ZNF654: variants seen among roughly 807,000 people sequenced by gnomAD.
The protein encoded by ZNF654 is zinc finger protein 654.
In ZNF654, 19 loss-of-function variants were observed where a neutral mutation model predicts 95.3. The observed-to-expected ratio is 0.20, with a 90% CI of 0.14 to 0.29. The LOEUF is 0.29. Ranked by LOEUF, ZNF654 falls within the 10% of genes least tolerant of loss-of-function variation. The pLI is 1.00. For missense variants in ZNF654, 1,046 were observed against 1,341.0 expected, an observed-to-expected ratio of 0.78 and a Z score of 3.44; for synonymous variants, 413 against 457.9, an observed-to-expected ratio of 0.90 and a Z score of 1.25.
chr3:88,062,452 A>T (rs1706937932), intron 1 of ZNF654, among the ~76,000 whole-genome samples: 1 of 152,222 alleles, frequency 6.6e-6, no homozygotes, highest in Non-Finnish European at 1.5e-5. Context: ...ATTATGGATG[A>T]AAAGTTTAGA....
At chr3:88,138,605 A>T in intron 7 of ZNF654, 100 bp from the exon 8 acceptor site, 1 of 638,496 alleles carries the variant, frequency 1.6e-6, no homozygotes, top group Non-Finnish European at 2.2e-6. Context: ...TACTATGTTT[A>T]TTCAGCTTTC....
Position 88,138,873 on chromosome 3 carries a change from G to A in ZNF654, c.1204G>A (p.Glu402Lys). ...TTGTGCACTCTCAATATTTTTTCTG[G>A]AGCGCTCCTTAGAAGCGTATCGTAC... ...RICALSIFFL[E>K]RSLEAYRTVE... Residue 402 changes from glutamate (E) to lysine (K), a missense_variant, in exon 8 of 9, where the codon GAG becomes AAG. Glu to Lys is a moderately conservative substitution (Grantham distance 56, BLOSUM62 1). Coordinates refer to ENST00000636215, the MANE Select transcript of ZNF654 (RefSeq NM_001350134.2). 8.1e-7 allele frequency: 1 copy of A among 1,231,980 alleles called. No homozygotes were observed. The highest frequency in any genetic ancestry group is 1.0e-6 in the Non-Finnish European group (1 of 987,926). 76.3% of individuals were successfully genotyped at this position (1,231,980 alleles called of 1,614,324 possible).
rs73844852 is a variant in ZNF654 at position 88,074,799 on chromosome 3, T to C, written c.187-11458T>C. On this transcript the variant is annotated intron_variant, in intron 1 of 8. Transcript: ENST00000636215. ...TACTTTTGCCAGTAAAAATTAGTGATATCAGAAGGACGATGGATGCACAGA... is the reference window on the plus strand; with the variant it reads ...TACTTTTGCCAGTAAAAATTAGTGACATCAGAAGGACGATGGATGCACAGA... Among the ~76,000 whole-genome samples, 441 of 152,338 alleles carry C rather than the reference T, an allele frequency of 2.9e-3. 2 individuals are homozygous for C. Among genetic ancestry groups the C allele is most frequent in the African/African-American group, 0.01 (424 of 41,578 alleles).
chr3:88,123,295 T>C (rs1245250501), intron 3 of ZNF654, among the ~76,000 whole-genome samples: 1 of 152,172 alleles, frequency 6.6e-6, no homozygotes, highest in Non-Finnish European at 1.5e-5. Context: ...ATAAGAGTGG[T>C]CTCCAAAATA....
chr3:88,129,054 A>G, intron 5 of ZNF654, 43 bp downstream of exon 5: 1 of 1,378,808 alleles, frequency 7.3e-7, no homozygotes, highest in Non-Finnish European at 9.6e-7. Flanking sequence ...TTTTAACCCT[A>G]CCAAAAAAAA....
chr3:88,107,115 C>G (rs1704791111), intron 2 of ZNF654, among the ~76,000 whole-genome samples: 1 of 152,142 alleles, frequency 6.6e-6, no homozygotes, highest in Non-Finnish European at 1.5e-5. Context: ...CTTGAAGATA[C>G]TTTTACTGTA....
chr3:88,116,618 G>A (rs1422817394), intron 3 of ZNF654, among the ~76,000 whole-genome samples: 1 of 151,564 alleles, frequency 6.6e-6, no homozygotes, highest in Non-Finnish European at 1.5e-5. Context: ...TATGTTGTGT[G>A]TGTGTGTGTA....
chr3:88,125,262 A>G (rs1706030818), intron 3 of ZNF654, among the ~76,000 whole-genome samples: 1 of 151,960 alleles, frequency 6.6e-6, no homozygotes, highest in Non-Finnish European at 1.5e-5. Context: ...CTAATAAAGT[A>G]TGTAATGAGC....
At chr3:88,066,971 T>C (rs1383244626) in intron 1 of ZNF654, among the ~76,000 whole-genome samples, 1 of 152,116 alleles carries the variant, frequency 6.6e-6, no homozygotes, top group East Asian at 1.9e-4. Flanking sequence ...AAACTAAATT[T>C]GGGAGGAGGT....
At chr3:88,125,197 A>G (rs1171059805) in intron 3 of ZNF654, among the ~76,000 whole-genome samples, 2 of 151,776 alleles carry the variant, frequency 1.3e-5, no homozygotes, top group Non-Finnish European at 2.9e-5. Flanking sequence ...CCTGGGCATC[A>G]AAGTTAAGAC....
chr3:88,088,842 G>A (rs1351005472), intron 2 of ZNF654, among the ~76,000 whole-genome samples: 7 of 151,894 alleles, frequency 4.6e-5, no homozygotes, highest in East Asian at 1.9e-4. Flanking sequence ...GCATGATCTC[G>A]GCTCACTGCA....
intron 1 of ZNF654, among the ~76,000 whole-genome samples, chr3:88,077,374 C>T (rs1281547694): frequency 3.4e-5 from 5 of 148,166 alleles, no homozygotes; most frequent in African/African-American, 1.3e-4. Context: ...CGCTCTGTTG[C>T]CCAGGCTGGA....
intron 3 of ZNF654, among the ~76,000 whole-genome samples, chr3:88,123,022 A>G (rs1705869124): frequency 6.6e-6 from 1 of 151,696 alleles, no homozygotes; most frequent in Non-Finnish European, 1.5e-5. Flanking sequence ...AAAAAAAAAA[A>G]AAAAGTAAAA....
intron 2 of ZNF654, among the ~76,000 whole-genome samples, chr3:88,096,584 C>T (rs1194871024): frequency 6.6e-6 from 1 of 152,096 alleles, no homozygotes; most frequent in Non-Finnish European, 1.5e-5. Flanking sequence ...TCTTCCCATA[C>T]TTTAAAGAAG....
intron 1 of ZNF654, among the ~76,000 whole-genome samples, chr3:88,080,391 A>G (rs1708017867): frequency 6.6e-6 from 1 of 152,178 alleles, no homozygotes; most frequent in South Asian, 2.1e-4. Flanking sequence ...TTATATCTGT[A>G]CTGTCTTTAT....
At chr3:88,070,350 A>G (rs1028291861) in intron 1 of ZNF654, among the ~76,000 whole-genome samples, 3 of 152,152 alleles carry the variant, frequency 2.0e-5, no homozygotes, top group African/African-American at 7.2e-5. Flanking sequence ...TGCAGCCATA[A>G]AAAATGATCT....
chr3:88,137,501 A>G (rs1706869400), intron 7 of ZNF654, among the ~76,000 whole-genome samples: 1 of 152,180 alleles, frequency 6.6e-6, no homozygotes, highest in Admixed American at 6.5e-5. Flanking sequence ...AAAAAATGAG[A>G]CACTGTCACC....
At chr3:88,089,064 C>T (rs560867897) in intron 2 of ZNF654, among the ~76,000 whole-genome samples, 11 of 151,636 alleles carry the variant, frequency 7.3e-5, no homozygotes, top group South Asian at 2.1e-4. Flanking sequence ...TGAGCTACCA[C>T]GCCTGACCTA....
chr3:88,136,207 A>C (rs962877467), intron 7 of ZNF654, among the ~76,000 whole-genome samples: 3 of 152,228 alleles, frequency 2.0e-5, no homozygotes, highest in African/African-American at 7.2e-5. Flanking sequence ...ATTTTTGTAC[A>C]TATGAATCTT....
Sources: gnomAD v4.1 joint callset for allele counts (sites outside exome capture counted in the v4.1 genomes callset) on GRCh38, gnomAD v4.1.1 for gene constraint, MANE v1.5 for transcripts, NCBI Gene and HGNC (gene_info 2026-07-23, HGNC 2026-07-21) for gene names.